The following FAM3D variants were observed in gnomAD, a reference collection of about 807,000 sequenced individuals.
The protein encoded by FAM3D is protein FAM3D.
In FAM3D, 26 loss-of-function variants were observed where a neutral mutation model predicts 29.8. That is an observed-to-expected ratio of 0.87 (90% CI 0.64 to 1.21). The LOEUF (loss-of-function observed/expected upper bound fraction) is 1.21, where lower values mean the gene tolerates loss of function less well. Ranked by LOEUF, FAM3D falls within the 50% of genes most tolerant of loss-of-function variation. FAM3D has a pLI of 0.00. For synonymous variants in FAM3D, 115 were observed against 102.3 expected (o/e 1.12, Z -0.75); for missense variants, 253 against 290.9 (o/e 0.87, Z 0.95).
intron 1 of FAM3D, among the ~76,000 whole-genome samples, chr3:58,660,893 T>C (rs2066917042): frequency 6.6e-6 from 1 of 152,176 alleles, no homozygotes; most frequent in Non-Finnish European, 1.5e-5. Context: ...GTCACATAGC[T>C]GGCAAGAGTC....
intron 5 of FAM3D, 116 bp downstream of exon 5, chr3:58,645,393 G>A (rs1353284665): frequency 3.0e-6 from 2 of 672,576 alleles, no homozygotes; most frequent in Non-Finnish European, 4.7e-6. Flanking sequence ...CAGAGTGAAA[G>A]GGAAGCTGTG....
At chr3:58,644,775 A>G (rs918854019) in intron 5 of FAM3D, among the ~76,000 whole-genome samples, 4 of 152,176 alleles carry the variant, frequency 2.6e-5, no homozygotes, top group Non-Finnish European at 4.4e-5. Flanking sequence ...GCAAGTAGAA[A>G]AAAAAAAGCA....
rs1216229593 is a variant in FAM3D, at chr3:58,653,623, G to A, written c.121+51C>T. The A allele has an allele frequency of 5.2e-6, 8 of 1,528,746 alleles. No individual in the cohort carries two copies. The South Asian group carries it at 8.9e-5, about 17-fold the overall frequency. The allele number at this position is 1,528,746 out of a possible 1,614,324, so 94.7% of individuals were successfully genotyped here. ...GGATGGAGGGAAGAATATGTCTTCGGCCCCCAGGCCTGGTCTGCAGTTCCT... is the reference window on the plus strand; with the variant it reads ...GGATGGAGGGAAGAATATGTCTTCGACCCCCAGGCCTGGTCTGCAGTTCCT... On this transcript the variant is annotated intron_variant, in intron 3 of 9. Coordinates refer to ENST00000358781, the MANE Select transcript of FAM3D (RefSeq NM_138805.3).
chr3:58,654,791 T>C (rs1274346027), intron 2 of FAM3D, among the ~76,000 whole-genome samples: 1 of 152,172 alleles, frequency 6.6e-6, no homozygotes, highest in Non-Finnish European at 1.5e-5. Flanking sequence ...TGGGGTGGGA[T>C]GCAGGTCTGT....
At chr3:58,641,900 G>A (rs1231522324) in intron 6 of FAM3D, among the ~76,000 whole-genome samples, 1 of 152,248 alleles carries the variant, frequency 6.6e-6, no homozygotes, top group Non-Finnish European at 1.5e-5. Flanking sequence ...TTTCTCAGGT[G>A]CGACCCATTT....
intron 1 of FAM3D, among the ~76,000 whole-genome samples, chr3:58,664,230 G>A (rs34070680): frequency 0.13 from 20,272 of 152,210 alleles, 1,444 homozygotes; most frequent in African/African-American, 0.16. Flanking sequence ...TACAGTACTT[G>A]GCACCATTCT....
chr3:58,655,658 C>A, intron 1 of FAM3D, 57 bp from the exon 2 acceptor site: 1 of 1,427,914 alleles, frequency 7.0e-7, no homozygotes, highest in Non-Finnish European at 9.6e-7. Context: ...AGTGATCAAG[C>A]CTGAAGATGA....
intron 4 of FAM3D, 147 bp downstream of exon 4, chr3:58,649,168 A>G (rs1449628990): frequency 1.0e-6 from 1 of 971,186 alleles, no homozygotes; most frequent in South Asian, 1.8e-5. Flanking sequence ...ATGGGAGGAG[A>G]GGACTGGGAA....
chr3:58,655,239 G>A (rs902969040), intron 2 of FAM3D, among the ~76,000 whole-genome samples: 2 of 152,032 alleles, frequency 1.3e-5, no homozygotes, highest in African/African-American at 2.4e-5. Context: ...AATTTTTATG[G>A]TATAAAAATT....
rs746682400 is a variant in FAM3D at position 58,655,568 on chromosome 3, T to A, written c.-5A>T. On this transcript the variant is annotated 5_prime_UTR_variant, in exon 2 of 10. Coordinates refer to ENST00000358781, the MANE Select transcript of FAM3D (RefSeq NM_138805.3). ...GAGCCTACCTGACACTCTCATCCTG[T>A]CCAGGTGAAGGGTGGCTTGGGGTCA... 1 of 1,613,204 alleles carries A rather than the reference T, an allele frequency of 6.2e-7. No individual in the cohort carries two copies. Among genetic ancestry groups the A allele is most frequent in the Admixed American group, 1.7e-5 (1 of 59,958 alleles).
chr3:58,666,488 T>C (rs2067034232), intron 1 of FAM3D, 88 bp downstream of exon 1: 1 of 152,292 alleles, frequency 6.6e-6, no homozygotes, highest in Non-Finnish European at 1.5e-5. Context: ...CTTTCACTCC[T>C]ATTTCCCACC....
At chr3:58,654,005 G>A (rs1021440189) in intron 2 of FAM3D, among the ~76,000 whole-genome samples, 16 of 152,232 alleles carry the variant, frequency 1.1e-4, no homozygotes, top group Admixed American at 6.5e-5. Context: ...CCCCAAGTGG[G>A]TCCCCTGGGA....
At chr3:58,653,054 A>C (rs1451427655) in intron 3 of FAM3D, among the ~76,000 whole-genome samples, 1 of 152,096 alleles carries the variant, frequency 6.6e-6, no homozygotes, top group African/African-American at 2.4e-5. Flanking sequence ...GATGCACACA[A>C]AATAAAATCC....
At chr3:58,649,406 G>T in intron 3 of FAM3D, 68 bp from the exon 4 acceptor site, 1 of 1,590,228 alleles carries the variant, frequency 6.3e-7, no homozygotes, top group Non-Finnish European at 8.6e-7. Context: ...GGAGGTTGGG[G>T]GCTGGGGGCT....
Position 58,663,841 on chromosome 3 carries a change from A to ACTCCCAG in FAM3D, c.-39+2728_-39+2734dup, listed in dbSNP as rs571054842. Among the ~76,000 whole-genome samples the ACTCCCAG allele has an allele frequency of 3.7e-3, 555 of 151,952 alleles. 7 individuals carry two copies. The highest frequency in any genetic ancestry group is 0.013 in the African/African-American group (529 of 41,398). ...AGCCTCTCCCCGGCCCTGCTGGGTG[A>ACTCCCAG]CTCCCAGCTCCCAGCTCCCAGCTCC... On this transcript the variant is annotated intron_variant, in intron 1 of 9. Transcript: ENST00000358781.
chr3:58,643,589 A>G, intron 6 of FAM3D, 73 bp downstream of exon 6: 1 of 1,490,158 alleles, frequency 6.7e-7, no homozygotes. Context: ...ATGTTGGTTG[A>G]ATGAATATGC....
At chr3:58,650,847 A>G (rs1028182704) in intron 3 of FAM3D, among the ~76,000 whole-genome samples, 6 of 152,120 alleles carry the variant, frequency 3.9e-5, no homozygotes, top group Admixed American at 6.5e-5. Context: ...CCTCCCAAGT[A>G]GCTGGGACTA....
At chr3:58,636,272 C>T (rs551730671) in intron 9 of FAM3D, 22 bp downstream of exon 9, 67 of 1,610,476 alleles carry the variant, frequency 4.2e-5, no homozygotes, top group Middle Eastern at 1.8e-4. Context: ...TTCATAGGGC[C>T]GGGTTGTGGC....
At chr3:58,639,578 C>A (rs192598256) in intron 7 of FAM3D, among the ~76,000 whole-genome samples, 1 of 147,968 alleles carries the variant, frequency 6.8e-6, no homozygotes, top group South Asian at 2.2e-4. Context: ...CCTTGCACAC[C>A]GCATGTGGGC....
Sources: gnomAD v4.1 joint callset for allele counts (sites outside exome capture counted in the v4.1 genomes callset) on GRCh38, gnomAD v4.1.1 for gene constraint, MANE v1.5 for transcripts, NCBI Gene and HGNC (gene_info 2026-07-23, HGNC 2026-07-21) for gene names.